The following GALNT14 variants were observed in gnomAD, a reference collection of about 807,000 sequenced individuals.
The protein encoded by GALNT14 is UDP-GalNAc:polypeptide N-acetylgalactosaminyltransferase 14.
Under a neutral mutation model 77.5 loss-of-function variants are expected in GALNT14, and 60 were observed. That is an observed-to-expected ratio of 0.77 (90% CI 0.63 to 0.96). GALNT14 has a LOEUF of 0.96. GALNT14 is among the 40% of genes least tolerant of loss of function. GALNT14 has a pLI of 0.00. For missense variants in GALNT14, 710 were observed against 731.0 expected, an observed-to-expected ratio of 0.97 and a Z score of 0.33; for synonymous variants, 280 against 281.7, an observed-to-expected ratio of 0.99 and a Z score of 0.06.
At chr2:30,982,969 C>T (rs1669078352) in intron 2 of GALNT14, among the ~76,000 whole-genome samples, 1 of 152,176 alleles carries the variant, frequency 6.6e-6, no homozygotes, top group Non-Finnish European at 1.5e-5. Flanking sequence ...CTTCTCCACC[C>T]CTCCTGTGTT....
chr2:30,904,127 G>A, the GALNT14 span, among the ~76,000 whole-genome samples: 4 of 152,212 alleles, frequency 2.6e-5, no homozygotes, highest in African/African-American at 9.6e-5. Context: ...TCCACAGGGA[G>A]CCTACAGCCT....
chr2:30,942,270 C>T lies in GALNT14; in HGVS notation c.862G>A (p.Asp288Asn), dbSNP rs768679640. The change falls in exon 9 of 15, where the codon GAC (aspartate) becomes AAC (asparagine). Residue 288 changes from aspartate (D) to asparagine (N), a missense_variant. Coordinates refer to ENST00000349752, the MANE Select transcript of GALNT14 (RefSeq NM_024572.4). ...CCCAGGTAATCAAACCAAGCTTTGT[C>T]GATCACGAAGAGCCCTCCAGCTATG... The part of the protein sequence containing the change: ...PIIAGGLFVI[D>N]KAWFDYLGKY... 137 of 1,613,954 alleles carry T rather than the reference C, an allele frequency of 8.5e-5. No homozygotes were observed. The highest frequency in any genetic ancestry group is 6.7e-4 in the East Asian group (30 of 44,886).
At chr2:31,119,354 T>C (rs189442981) in intron 1 of GALNT14, among the ~76,000 whole-genome samples, 7 of 152,286 alleles carry the variant, frequency 4.6e-5, no homozygotes, top group African/African-American at 1.7e-4. Context: ...AGAGCTCTTT[T>C]ACTTGGCAAC....
At chr2:30,981,518 G>A (rs566342391) in intron 2 of GALNT14, among the ~76,000 whole-genome samples, 10 of 152,282 alleles carry the variant, frequency 6.6e-5, no homozygotes, top group East Asian at 1.9e-4. Flanking sequence ...CCTGCACTGC[G>A]TGGAGGGCAT....
In GALNT14 at chr2:30,992,934, C is replaced by A. The variant is rs200973665; in HGVS notation, c.203G>T (p.Arg68Leu). 1 of 1,614,152 alleles carries A rather than the reference C, an allele frequency of 6.2e-7. No homozygotes were observed. The highest frequency in any genetic ancestry group is 1.3e-5 in the African/African-American group (1 of 75,040). The change falls in exon 2 of 15, where the codon CGC becomes CTC. Residue 68 changes from arginine to leucine, a missense_variant. By Grantham distance (102) the Arg-to-Leu change is moderately radical. Transcript: ENST00000349752. ...CAGCTTATAGGGGTCGTCACCAACG[C>A]GCCACTTTTTGGCATTCAGATACCG... ...ERRYLNAKKW[R>L]VGDDPYKLYA...
intron 1 of GALNT14, among the ~76,000 whole-genome samples, chr2:31,132,375 G>A (rs184150806): frequency 2.0e-5 from 3 of 152,272 alleles, no homozygotes; most frequent in South Asian, 4.1e-4. Context: ...ATCCCAACCT[G>A]CCATTTGCAT....
chr2:30,993,048 GT>G (rs1178659160), intron 1 of GALNT14, 41 bp from the exon 2 acceptor site: 1 of 1,602,418 alleles, frequency 6.2e-7, no homozygotes, highest in African/African-American at 1.3e-5. Context: ...ACGGCTCCCT[GT>G]CCTCCACTAG....
intron 2 of GALNT14, among the ~76,000 whole-genome samples, chr2:30,976,214 G>A (rs1668614530): frequency 6.6e-6 from 1 of 152,116 alleles, no homozygotes; most frequent in African/African-American, 2.4e-5. Flanking sequence ...AGTTGACAGG[G>A]TTTTTCAATC....
chr2:30,966,426 C>A (rs1668010825), intron 2 of GALNT14, 124 bp from the exon 3 acceptor site: 25 of 683,976 alleles, frequency 3.7e-5, no homozygotes, highest in South Asian at 2.4e-4. Flanking sequence ...AAGGGCTTCC[C>A]CAGCTGCAGA....
At chr2:31,073,431 T>A (rs1214231595) in intron 1 of GALNT14, among the ~76,000 whole-genome samples, 1 of 151,784 alleles carries the variant, frequency 6.6e-6, no homozygotes, top group African/African-American at 2.4e-5. Context: ...GAGATGGACA[T>A]ATCAGTCGAT....
At chr2:31,105,543 T>C (rs1424206244) in intron 1 of GALNT14, among the ~76,000 whole-genome samples, 1 of 152,080 alleles carries the variant, frequency 6.6e-6, no homozygotes, top group Non-Finnish European at 1.5e-5. Flanking sequence ...CTGGCCAACA[T>C]GGTAAAACCC....
At chr2:30,935,466 C>T (rs760208212) in intron 9 of GALNT14, among the ~76,000 whole-genome samples, 9 of 152,308 alleles carry the variant, frequency 5.9e-5, no homozygotes, top group Middle Eastern at 3.4e-3. Flanking sequence ...TGGCTGCTGC[C>T]GCCCAGAGGA....
downstream of GALNT14, among the ~76,000 whole-genome samples, chr2:30,907,216 G>C (rs1164621019): frequency 2.0e-5 from 3 of 152,124 alleles, no homozygotes; most frequent in Non-Finnish European, 2.9e-5. Flanking sequence ...GATCGGAGCA[G>C]AACTGAAGGA....
At chr2:30,945,517 G>C (rs1455013467) in intron 7 of GALNT14, among the ~76,000 whole-genome samples, 1 of 152,296 alleles carries the variant, frequency 6.6e-6, no homozygotes, top group Admixed American at 6.5e-5. Flanking sequence ...GGAAATCCTT[G>C]CTCCCATCAC....
At chr2:30,952,044 C>T (rs751901747) in intron 6 of GALNT14, among the ~76,000 whole-genome samples, 14 of 152,184 alleles carry the variant, frequency 9.2e-5, no homozygotes, top group Non-Finnish European at 2.1e-4. Context: ...TGACTGCAAG[C>T]GTACACTACA....
intron 12 of GALNT14, among the ~76,000 whole-genome samples, 157 bp downstream of exon 12, chr2:30,924,583 G>A (rs750111680): frequency 3.3e-5 from 5 of 152,160 alleles, no homozygotes; most frequent in Non-Finnish European, 5.9e-5. Context: ...AGGTCCCTCC[G>A]GGTTTTAGGG....
intron 2 of GALNT14, among the ~76,000 whole-genome samples, chr2:30,967,339 G>C (rs1169695326): frequency 6.6e-6 from 1 of 152,198 alleles, no homozygotes; most frequent in African/African-American, 2.4e-5. Context: ...GTGGCCTAAA[G>C]CATTTAAGAT....
At chr2:31,087,768 G>A (rs1676520211) in intron 1 of GALNT14, among the ~76,000 whole-genome samples, 1 of 152,210 alleles carries the variant, frequency 6.6e-6, no homozygotes, top group African/African-American at 2.4e-5. Flanking sequence ...CAATACAGAT[G>A]ATGCTATAGA....
At chr2:30,981,133 C>T (rs1668965048) in intron 2 of GALNT14, among the ~76,000 whole-genome samples, 1 of 152,236 alleles carries the variant, frequency 6.6e-6, no homozygotes, top group Non-Finnish European at 1.5e-5. Context: ...GACCTTCGTC[C>T]CAGCACAGAG....
Sources: allele counts gnomAD v4.1 joint callset (sites outside exome capture counted in the v4.1 genomes callset), GRCh38; gene constraint gnomAD v4.1.1; transcripts MANE v1.5; gene names NCBI Gene and HGNC (gene_info 2026-07-23, HGNC 2026-07-21).